ARID4A: variants seen among roughly 807,000 people sequenced by gnomAD.
ARID4A encodes AT-rich interaction domain 4A.
A neutral mutation model predicts 148.6 loss-of-function variants in ARID4A; 39 were observed. The observed-to-expected ratio is 0.26, with a 90% CI of 0.20 to 0.34. The LOEUF (loss-of-function observed/expected upper bound fraction) is 0.34, where lower values mean the gene tolerates loss of function less well. ARID4A is among the 10% of genes least tolerant of loss of function. ARID4A has a pLI of 1.00. For missense variants in ARID4A, 1,265 were observed against 1,449.1 expected (o/e 0.87, Z 2.06); for synonymous variants, 475 against 481.2 (o/e 0.99, Z 0.17).
chr14:58,351,103 T>G lies in ARID4A; in HGVS notation c.1435T>G (p.Ser479Ala). 6.3e-7 allele frequency: 1 copy of G among 1,598,548 alleles called. No homozygotes were observed. The highest frequency in any genetic ancestry group is 1.1e-5 in the South Asian group (1 of 87,002). ...AAGGAGAATTGCTCGAGATGTAAAT[T>G]CTATTAAAAAGGAAATTGAAGAAGA... The part of the protein sequence containing the change: ...GRRRIARDVN[S>A]IKKEIEEEKT... Residue 479 changes from serine (S) to alanine (A), a missense_variant, in exon 16 of 24, where the codon TCT becomes GCT. Coordinates refer to ENST00000355431, the MANE Select transcript of ARID4A (RefSeq NM_002892.4).
chr14:58,356,154 T>C (rs1055802779), intron 17 of ARID4A, among the ~76,000 whole-genome samples: 1 of 152,178 alleles, frequency 6.6e-6, no homozygotes, highest in African/African-American at 2.4e-5. Flanking sequence ...CCTGGGACTA[T>C]CCTTTGTTAG....
chr14:58,329,093 T>G (rs1039475959), intron 9 of ARID4A, among the ~76,000 whole-genome samples: 1 of 152,146 alleles, frequency 6.6e-6, no homozygotes, highest in African/African-American at 2.4e-5. Flanking sequence ...GTTATAGTTC[T>G]CTGTGAAAAA....
chr14:58,353,021 C>T (rs2034708583), intron 16 of ARID4A, among the ~76,000 whole-genome samples: 1 of 151,994 alleles, frequency 6.6e-6, no homozygotes, highest in South Asian at 2.1e-4. Context: ...AATTTCTTTT[C>T]TTTGTTAGGG....
intron 8 of ARID4A, among the ~76,000 whole-genome samples, chr14:58,325,857 T>G (rs1166576084): frequency 1.4e-5 from 2 of 145,606 alleles, no homozygotes; most frequent in Admixed American, 1.4e-4. Context: ...TTGCCAAGAG[T>G]TTTTTTTTTT....
At chr14:58,361,077 C>T (rs774489897) in intron 19 of ARID4A, 35 bp downstream of exon 19, 5 of 1,577,902 alleles carry the variant, frequency 3.2e-6, no homozygotes, top group African/African-American at 2.7e-5. Flanking sequence ...TACCAGACAG[C>T]TCACCTCTGT....
At chr14:58,354,014 T>C (rs548559648) in intron 17 of ARID4A, among the ~76,000 whole-genome samples, 159 bp downstream of exon 17, 1 of 152,334 alleles carries the variant, frequency 6.6e-6, no homozygotes, top group South Asian at 2.1e-4. Flanking sequence ...GCTGTTATAC[T>C]AGCAGTGTCA....
At chr14:58,308,572 C>T (rs865863756) in intron 5 of ARID4A, among the ~76,000 whole-genome samples, 7 of 152,054 alleles carry the variant, frequency 4.6e-5, no homozygotes, top group African/African-American at 7.2e-5. Context: ...CTCTAAAGAA[C>T]GTTTAGATAT....
chr14:58,299,994 A>G, intron 2 of ARID4A, 134 bp downstream of exon 2: 1 of 1,231,568 alleles, frequency 8.1e-7, no homozygotes, highest in Non-Finnish European at 1.2e-6. Flanking sequence ...GCATAGGAGG[A>G]TGTGTTGAAT....
Position 58,364,989 on chromosome 14 carries a change from T to C in ARID4A, c.2900T>C (p.Leu967Ser), listed in dbSNP as rs774754254. The change falls in exon 20 of 24, where the codon TTG (leucine) becomes TCG (serine). Residue 967 changes from leucine to serine, a missense_variant. Around this residue, in one of 9 missense-constraint regions of ARID4A, gnomAD observed 666 missense variants for 730.9 expected, o/e 0.91. Coordinates refer to ENST00000355431, the MANE Select transcript of ARID4A (RefSeq NM_002892.4). ...TGCCATGAAGTAGATTTGGATGATT[T>C]GGATGAAAAGGATAAGACCAGCATT... is the stretch of plus-strand genomic sequence containing the variant. ...LVCHEVDLDD[L>S]DEKDKTSIED... The C allele has an allele frequency of 2.5e-6, 4 of 1,614,088 alleles. No homozygotes were observed. Among genetic ancestry groups the C allele is most frequent in the Non-Finnish European group, 3.4e-6 (4 of 1,179,998 alleles).
chr14:58,351,207 A>G lies in ARID4A; in HGVS notation c.1539A>G (p.Lys513=). 1 of 1,613,166 alleles carries G rather than the reference A, an allele frequency of 6.2e-7. No individual in the cohort carries two copies. The highest frequency in any genetic ancestry group is 8.5e-7 in the Non-Finnish European group (1 of 1,179,866). ...VDDDYETAEK[K]ENELLLGRKN... ...ATGACTATGAAACTGCAGAGAAAAA[A>G]GAAAATGAGCTACTACTGGGGAGAA... The change falls in exon 16 of 24, where the codon AAA becomes AAG. Residue 513 remains lysine, a synonymous_variant. Coordinates refer to ENST00000355431, the MANE Select transcript of ARID4A (RefSeq NM_002892.4).
At chr14:58,341,024 TC>T (rs758005330) in intron 11 of ARID4A, among the ~76,000 whole-genome samples, 7 of 152,088 alleles carry the variant, frequency 4.6e-5, no homozygotes, top group Non-Finnish European at 8.8e-5. Context: ...TTCTTCCCTC[TC>T]CCCTTCTCTC....
Position 58,373,612 on chromosome 14 carries a change from CAAAA to C in ARID4A, c.*1627_*1630del, listed in dbSNP as rs958468757. The C allele has an allele frequency of 1.1e-5, 2 of 175,728 alleles. No individual in the cohort carries two copies. The highest frequency in any genetic ancestry group is 2.5e-5 in the Non-Finnish European group (2 of 81,614). 10.9% of individuals were successfully genotyped at this position (175,728 alleles called of 1,614,324 possible). A position where few individuals can be genotyped will look rare whatever the true frequency, so the allele number is the denominator to read the frequency against. Reference sequence around the variant, plus strand: ...TTCCATTTTCTCAGAGAATTAAAAACAAAAAAAGTACTCTTGTAAAATGCACTTT... The same window carrying C: ...TTCCATTTTCTCAGAGAATTAAAAACAAAGTACTCTTGTAAAATGCACTTT... On this transcript the variant is annotated 3_prime_UTR_variant, in exon 24 of 24. Coordinates refer to ENST00000355431, the MANE Select transcript of ARID4A (RefSeq NM_002892.4).
At chr14:58,358,836 A>G (rs74055633) in intron 17 of ARID4A, among the ~76,000 whole-genome samples, 2,341 of 152,330 alleles carry the variant, frequency 0.015, 68 homozygotes, top group African/African-American at 0.053. Context: ...AGCTGTGGAA[A>G]ACAAAACAGT....
chr14:58,354,220 TACTG>T (rs1480556968), intron 17 of ARID4A, among the ~76,000 whole-genome samples: 3 of 152,334 alleles, frequency 2.0e-5, no homozygotes, highest in African/African-American at 7.2e-5. Flanking sequence ...GGAGACATAT[TACTG>T]ACTATGAGCA....
intron 17 of ARID4A, among the ~76,000 whole-genome samples, chr14:58,355,167 C>T (rs968183324): frequency 2.6e-5 from 4 of 152,112 alleles, no homozygotes; most frequent in South Asian, 2.1e-4. Context: ...CTCTGGTTGC[C>T]CTGTATTTAT....
Position 58,351,164 on chromosome 14 carries a change from A to G in ARID4A, c.1496A>G (p.Glu499Gly). Reference protein sequence around the residue: ...TEDKLKDNDTENKDVDDDYET... With the variant: ...TEDKLKDNDTGNKDVDDDYET... ...GACAAATTAAAAGATAATGATACAG[A>G]AAATAAGGATGTAGATGATGACTAT... The change falls in exon 16 of 24, where the codon GAA becomes GGA. Residue 499 changes from glutamate to glycine, a missense_variant. Physicochemically the swap from Glu to Gly is moderately conservative, Grantham distance 98. This residue lies in a region of ARID4A where 205 missense variants were observed against 196.9 expected (regional missense o/e 1.04). Coordinates refer to ENST00000355431, the MANE Select transcript of ARID4A (RefSeq NM_002892.4). 1 of 1,611,288 alleles carries G rather than the reference A, an allele frequency of 6.2e-7. No homozygotes were observed. The highest frequency in any genetic ancestry group is 1.1e-5 in the South Asian group (1 of 89,990).
Position 58,319,521 on chromosome 14 carries a change from C to CTT in ARID4A, c.449+754_449+755dup, listed in dbSNP as rs71107934. Among the ~76,000 whole-genome samples, 13 of 62,096 alleles carry CTT rather than the reference C, an allele frequency of 2.1e-4. 3 individuals are homozygous for CTT. Among genetic ancestry groups the CTT allele is most frequent in the East Asian group, 1.5e-3 (3 of 1,946 alleles). 40.7% of individuals were successfully genotyped at this position (62,096 alleles called of 152,430 possible). On this transcript the variant is annotated intron_variant, in intron 7 of 23. Transcript: ENST00000355431. Reference sequence around the variant, plus strand: ...ATCTGTGTATGAATGTCTATATACTCTTTTTTTTTTTTTTTTTTTTTTTTT... The same window carrying CTT: ...ATCTGTGTATGAATGTCTATATACTCTTTTTTTTTTTTTTTTTTTTTTTTTTT...
intron 7 of ARID4A, among the ~76,000 whole-genome samples, chr14:58,321,109 C>G (rs2032859680): frequency 6.6e-6 from 1 of 152,118 alleles, no homozygotes; most frequent in African/African-American, 2.4e-5. Context: ...GTGGTGCCTG[C>G]CAAATTTCTA....
chr14:58,303,946 G>A (rs2031396225), intron 3 of ARID4A, among the ~76,000 whole-genome samples: 1 of 151,816 alleles, frequency 6.6e-6, no homozygotes, highest in Admixed American at 6.6e-5. Flanking sequence ...CCTGTCTCTA[G>A]TAAAAATACA....
Sources: gnomAD v4.1 joint callset for allele counts (sites outside exome capture counted in the v4.1 genomes callset) on GRCh38, gnomAD v4.1.1 for gene constraint, gnomAD v4.1.1 regional missense constraint, MANE v1.5 for transcripts, NCBI Gene and HGNC (gene_info 2026-07-23, HGNC 2026-07-21) for gene names.